The following TBCK variants were observed in gnomAD, a reference collection of about 807,000 sequenced individuals.
TBCK encodes the protein TBC domain-containing protein kinase-like protein.
Under a neutral mutation model 113.4 loss-of-function variants are expected in TBCK, and 99 were observed. The observed-to-expected ratio is 0.87, with a 90% CI of 0.74 to 1.03. TBCK has a LOEUF of 1.03. TBCK is among the 50% of genes least tolerant of loss of function. The pLI is 0.00. For missense variants in TBCK, 1,045 were observed against 1,061.3 expected, an observed-to-expected ratio of 0.98 and a Z score of 0.21; for synonymous variants, 369 against 370.8, an observed-to-expected ratio of 1.00 and a Z score of 0.05.
chr4:106,226,343 A>G (rs540792209), intron 19 of TBCK, among the ~76,000 whole-genome samples: 1 of 152,322 alleles, frequency 6.6e-6, no homozygotes, highest in East Asian at 1.9e-4. Flanking sequence ...AGAAATAGAA[A>G]TCAATGTAAC....
intron 22 of TBCK, among the ~76,000 whole-genome samples, chr4:106,179,322 C>A (rs1412430080): frequency 6.6e-6 from 1 of 151,886 alleles, no homozygotes; most frequent in African/African-American, 2.4e-5. Flanking sequence ...CCTTGAGGTG[C>A]ATTGTTAAGT....
chr4:106,120,666 C>A (rs535746417), intron 23 of TBCK, among the ~76,000 whole-genome samples: 2 of 152,166 alleles, frequency 1.3e-5, no homozygotes, highest in Admixed American at 1.3e-4. Context: ...CCCCTGACCC[C>A]CGAGCAGCCT....
chr4:106,068,083 A>G (rs1316443524), intron 25 of TBCK, among the ~76,000 whole-genome samples: 1 of 152,162 alleles, frequency 6.6e-6, no homozygotes, highest in Non-Finnish European at 1.5e-5. Flanking sequence ...TATTGTCATC[A>G]AAACAATTAT....
chr4:106,224,574 G>T (rs1758035072), intron 19 of TBCK, among the ~76,000 whole-genome samples: 1 of 151,986 alleles, frequency 6.6e-6, no homozygotes, highest in African/African-American at 2.4e-5. Flanking sequence ...CAGTAACAAA[G>T]AAGTAAACTA....
chr4:106,080,088 A>G (rs60169642), intron 25 of TBCK, among the ~76,000 whole-genome samples: 1 of 152,070 alleles, frequency 6.6e-6, no homozygotes, highest in African/African-American at 2.4e-5. Context: ...GTTAAGATTG[A>G]TAAAATGGCC....
chr4:106,083,140 G>A (rs1360551490), intron 25 of TBCK, among the ~76,000 whole-genome samples: 1 of 152,222 alleles, frequency 6.6e-6, no homozygotes, highest in Non-Finnish European at 1.5e-5. Flanking sequence ...CTTGGGGAAG[G>A]GGCAGCAGCC....
chr4:106,143,332 C>G (rs966314917), intron 23 of TBCK, among the ~76,000 whole-genome samples: 3 of 152,224 alleles, frequency 2.0e-5, no homozygotes, highest in Non-Finnish European at 2.9e-5. Context: ...ACTTCAATTT[C>G]TACATTGAGA....
chr4:106,119,421 T>C (rs1250628859), intron 23 of TBCK, among the ~76,000 whole-genome samples: 1 of 151,888 alleles, frequency 6.6e-6, no homozygotes, highest in African/African-American at 2.4e-5. Context: ...GAAAGGACAG[T>C]CTTTTCAATA....
intron 3 of TBCK, among the ~76,000 whole-genome samples, chr4:106,288,099 C>A (rs1412131629): frequency 1.3e-5 from 2 of 150,188 alleles, no homozygotes; most frequent in Non-Finnish European, 3.0e-5. Context: ...ACTCAACAAC[C>A]CTTTCTTAAA....
At chr4:106,171,073 A>G in intron 23 of TBCK, 22 bp downstream of exon 23, 2 of 1,555,250 alleles carry the variant, frequency 1.3e-6, no homozygotes, top group Non-Finnish European at 1.7e-6. Context: ...AGAGTTTGTA[A>G]ACTAAATCCG....
chr4:106,198,010 ACTG>A (rs1271443618), intron 20 of TBCK, among the ~76,000 whole-genome samples: 1 of 152,108 alleles, frequency 6.6e-6, no homozygotes, highest in Non-Finnish European at 1.5e-5. Flanking sequence ...TAAATATGCA[ACTG>A]TGATGACATC....
chr4:106,222,635 C>A (rs1411761267), intron 19 of TBCK, among the ~76,000 whole-genome samples: 9 of 152,112 alleles, frequency 5.9e-5, no homozygotes, highest in African/African-American at 2.2e-4. Context: ...GACTACTAGT[C>A]TATCATGAAG....
intron 23 of TBCK, among the ~76,000 whole-genome samples, chr4:106,127,867 C>A (rs1578989199): frequency 1.3e-5 from 2 of 151,242 alleles, no homozygotes; most frequent in East Asian, 3.9e-4. Context: ...TGCTCAAAGG[C>A]AAAAAAAATT....
At chr4:106,309,109 T>C (rs549671162) in intron 1 of TBCK, 120 bp from the exon 2 acceptor site, 4 of 567,738 alleles carry the variant, frequency 7.0e-6, no homozygotes, top group South Asian at 6.2e-5. Flanking sequence ...AGTAAAAATA[T>C]CAAAGTATAA....
intron 2 of TBCK, among the ~76,000 whole-genome samples, chr4:106,297,971 C>T (rs896167195): frequency 1.8e-4 from 28 of 152,110 alleles, no homozygotes; most frequent in Admixed American, 8.5e-4. Context: ...CAAGCAATAG[C>T]TGATTGTTAG....
intron 3 of TBCK, among the ~76,000 whole-genome samples, chr4:106,272,488 ATTT>A (rs746246379): frequency 0.12 from 15,430 of 123,990 alleles, 695 homozygotes; most frequent in South Asian, 0.22. Context: ...TGTTTATTTA[ATTT>A]TTTTTTTTTT....
chr4:106,226,511 A>T (rs532610219), intron 19 of TBCK, among the ~76,000 whole-genome samples: 1 of 152,314 alleles, frequency 6.6e-6, no homozygotes, highest in Non-Finnish European at 1.5e-5. Context: ...ATAGAAATTT[A>T]GCCCAACACT....
At chr4:106,189,796 C>T (rs1753459790) in intron 22 of TBCK, among the ~76,000 whole-genome samples, 1 of 152,234 alleles carries the variant, frequency 6.6e-6, no homozygotes, top group East Asian at 1.9e-4. Context: ...ATGTGGCCTA[C>T]AAGATGCTGC....
At chr4:106,237,013 T>C (rs1393711172) in intron 12 of TBCK, among the ~76,000 whole-genome samples, 4 of 152,040 alleles carry the variant, frequency 2.6e-5, no homozygotes, top group African/African-American at 7.2e-5. Context: ...GAAAAACAAC[T>C]ATTTTTTTCT....
Sources: gnomAD v4.1 joint callset for allele counts (sites outside exome capture counted in the v4.1 genomes callset) on GRCh38, gnomAD v4.1.1 for gene constraint, MANE v1.5 for transcripts, NCBI Gene and HGNC (gene_info 2026-07-23, HGNC 2026-07-21) for gene names.